The following TFR2 variants were observed in gnomAD, a reference collection of about 807,000 sequenced individuals.
TFR2 encodes the protein transferrin receptor protein 2.
TFR2 carries 64 observed loss-of-function variants against 91.9 expected under a neutral mutation model. The observed-to-expected ratio is 0.70, with a 90% CI of 0.57 to 0.86. TFR2 has a LOEUF of 0.86. TFR2 is among the 40% of genes least tolerant of loss of function. The probability of loss-of-function intolerance (pLI) is 0.00; values close to 1 mark genes in which losing one functional copy is unlikely to be tolerated. For synonymous variants in TFR2, 454 were observed against 459.6 expected (o/e 0.99, Z 0.15); for missense variants, 950 against 1,080.5 (o/e 0.88, Z 1.69).
chr7:100,632,543 T>C (rs1803472577), intron 6 of TFR2, among the ~76,000 whole-genome samples: 2 of 149,054 alleles, frequency 1.3e-5, no homozygotes, highest in Non-Finnish European at 3.0e-5. Flanking sequence ...CCTTCTCTGT[T>C]TCTCTCTCTT....
intron 17 of TFR2, among the ~76,000 whole-genome samples, chr7:100,621,456 G>C (rs887063475): frequency 1.3e-5 from 2 of 152,166 alleles, no homozygotes; most frequent in African/African-American, 4.8e-5. Flanking sequence ...GTTTCTCCGT[G>C]TTGGCCAGGC....
chr7:100,633,507 G>C lies in TFR2; in HGVS notation c.523C>G (p.Leu175Val), dbSNP rs377287303. ...AGCGCCGCGCGAATGTCCTGAGTCA[G>C]AGCGGCCATCCCGGCCGAGCCTGCC... ...RVAGSAGMAALTQDIRAALSR... is the reference protein window; with the variant it reads ...RVAGSAGMAAVTQDIRAALSR... The change falls in exon 4 of 18, where the codon CTG (leucine) becomes GTG (valine). Residue 175 changes from leucine to valine, a missense_variant. Physicochemically the swap from Leu to Val is conservative, Grantham distance 32. Transcript: ENST00000223051. 88 of 1,610,514 alleles carry C rather than the reference G, an allele frequency of 5.5e-5. No homozygotes were observed. The highest frequency in any genetic ancestry group is 7.1e-5 in the Non-Finnish European group (84 of 1,179,850).
intron 3 of TFR2, 31 bp downstream of exon 3, chr7:100,640,655 C>T (rs780614869): frequency 2.1e-5 from 33 of 1,606,072 alleles, no homozygotes; most frequent in East Asian, 4.5e-5. Context: ...GAGGGACACT[C>T]GAGAACAGGA....
rs111760099 is a variant in TFR2 at position 100,627,318 on chromosome 7, C to T, written c.1941G>A (p.Gly647=). Residue 647 remains glycine, a synonymous_variant, in exon 16 of 18, where the codon GGG becomes GGA. Coordinates refer to ENST00000223051, the MANE Select transcript of TFR2 (RefSeq NM_003227.4). ...RLLPLDFGRY[G]DVVLRHIGNL... ...TCCCGATGTGCCTGAGGACGACGTC[C>T]CCGTAGCGGCCGAAGTCGAGGGGCA... 1 of 1,550,162 alleles carries T rather than the reference C, an allele frequency of 6.5e-7. No homozygotes were observed. The highest frequency in any genetic ancestry group is 8.7e-7 in the Non-Finnish European group (1 of 1,146,944).
intron 17 of TFR2, among the ~76,000 whole-genome samples, chr7:100,625,637 A>G (rs564050362): frequency 2.0e-5 from 3 of 152,292 alleles, no homozygotes; most frequent in African/African-American, 7.2e-5. Flanking sequence ...TAACCCCAGC[A>G]ATTTGGGAGG....
chr7:100,626,470 A>G, intron 17 of TFR2: 5 of 867,440 alleles, frequency 5.8e-6, no homozygotes, highest in Non-Finnish European at 7.8e-6. Context: ...GAGGGGAGTC[A>G]GCGGGGAGGG....
In TFR2 at chr7:100,621,045, T is replaced by A. The variant is rs1287262020; in HGVS notation, c.2218A>T (p.Thr740Ser). The change falls in exon 18 of 18, where the codon ACG (threonine) becomes TCG (serine). Residue 740 changes from threonine (T) to serine (S), a missense_variant. Thr to Ser is a moderately conservative substitution (Grantham distance 58, BLOSUM62 1). Transcript: ENST00000223051. The part of the protein sequence containing the change: ...RHIFMGRGDH[T>S]LGALLDHLRL... ...AGGTGGTCCAGCAGGGCGCCCAGCG[T>A]GTGGTCTCCACGGCCCATGAAGATG... 2 of 1,583,080 alleles carry A rather than the reference T, an allele frequency of 1.3e-6. No individual in the cohort carries two copies. The highest frequency in any genetic ancestry group is 1.8e-5 in the Admixed American group (1 of 54,984).
Position 100,627,733 on chromosome 7 carries a change from C to G in TFR2, c.1682+11G>C, listed in dbSNP as rs372807620. ...CATCCCTCCCCAGCTCTCCCTACCCCCCCAACTTACACCTCAGCATCCCAG... is the reference window on the plus strand; with the variant it reads ...CATCCCTCCCCAGCTCTCCCTACCCGCCCAACTTACACCTCAGCATCCCAG... On this transcript the variant is annotated intron_variant, in intron 14 of 17. Coordinates refer to ENST00000223051, the MANE Select transcript of TFR2 (RefSeq NM_003227.4). The G allele has an allele frequency of 8.0e-5, 129 of 1,613,980 alleles. No homozygotes were observed. In the African/African-American group the frequency reaches 1.7e-3, roughly 21 times the overall value.
chr7:100,620,914 C>T lies in TFR2; in HGVS notation c.2349G>A (p.Leu783=), dbSNP rs757180293. The T allele has an allele frequency of 5.0e-6, 8 of 1,613,954 alleles. No homozygotes were observed. The highest frequency in any genetic ancestry group is 5.9e-6 in the Non-Finnish European group (7 of 1,179,904). Residue 783 remains leucine (L), a synonymous_variant, in exon 18 of 18, where the codon CTG becomes CTA. Coordinates refer to ENST00000223051, the MANE Select transcript of TFR2 (RefSeq NM_003227.4). ...CGCTAAGCGCATTGGCTGCCCCTTGCAGCGTCCAGGTGAGCAGGGCTAGCT... is the reference window on the plus strand; with the variant it reads ...CGCTAAGCGCATTGGCTGCCCCTTGTAGCGTCCAGGTGAGCAGGGCTAGCT... ...RRQLALLTWT[L]QGAANALSGD...
intron 9 of TFR2, among the ~76,000 whole-genome samples, chr7:100,630,024 G>A (rs1010112606): frequency 3.0e-4 from 45 of 152,190 alleles, no homozygotes; most frequent in South Asian, 8.3e-4. Flanking sequence ...GATTACAGGC[G>A]TGAGCCACCG....
chr7:100,640,519 C>T, intron 3 of TFR2, 167 bp downstream of exon 3: 1 of 747,424 alleles, frequency 1.3e-6, no homozygotes, highest in Non-Finnish European at 2.1e-6. Context: ...CTCCGAATGC[C>T]TGCCATCCTT....
chr7:100,630,798 C>T, intron 9 of TFR2, 91 bp downstream of exon 9: 1 of 1,578,110 alleles, frequency 6.3e-7, no homozygotes, highest in Admixed American at 1.7e-5. Flanking sequence ...CTTGGGGCCT[C>T]CTGCACCAGC....
rs2131303994 is a variant in TFR2 at position 100,620,962 on chromosome 7, G to A, written c.2301C>T (p.Phe767=). ...GTPGATSSTG[F]QESRFRRQLA... ...GCTGACGCCGGAAACGGCTCTCCTG[G>A]AAGCCAGTGGAGGAGGTGGCCCCGG... The change falls in exon 18 of 18, where the codon TTC becomes TTT. Residue 767 remains phenylalanine (F), a synonymous_variant. Coordinates refer to ENST00000223051, the MANE Select transcript of TFR2 (RefSeq NM_003227.4). The A allele has an allele frequency of 6.2e-7, 1 of 1,613,388 alleles. No individual in the cohort carries two copies. Among genetic ancestry groups the A allele is most frequent in the Non-Finnish European group, 8.5e-7 (1 of 1,179,752 alleles).
Position 100,628,142 on chromosome 7 carries a change from G to T in TFR2, c.1474-6C>A. On this transcript the variant is annotated splice_region_variant and splice_polypyrimidine_tract_variant and intron_variant, in intron 11 of 17. Transcript: ENST00000223051. ...TGCAGCACGCTGAGGTAGCCCTGTG[G>T]GTGGGTGACCAGTGTGGAGTGGGAA... The T allele has an allele frequency of 1.2e-6, 2 of 1,614,068 alleles. No individual in the cohort carries two copies. Among genetic ancestry groups the T allele is most frequent in the Non-Finnish European group, 1.7e-6 (2 of 1,179,984 alleles).
intron 3 of TFR2, among the ~76,000 whole-genome samples, chr7:100,639,072 A>G (rs1029693296): frequency 9.2e-5 from 14 of 152,190 alleles, no homozygotes; most frequent in African/African-American, 2.9e-4. Context: ...TATAAACATT[A>G]AAGAAGAGGC....
chr7:100,627,163 G>A (rs1263050602), intron 16 of TFR2, 101 bp downstream of exon 16: 12 of 1,374,586 alleles, frequency 8.7e-6, no homozygotes, highest in East Asian at 2.5e-5. Flanking sequence ...TTGCCAGAGA[G>A]GACCTAGACC....
rs369913499 is a variant in TFR2, at chr7:100,627,773, C to T, written c.1653G>A (p.Val551=). The T allele has an allele frequency of 3.4e-5, 55 of 1,613,162 alleles. No homozygotes were observed. The African/African-American group carries it at 6.5e-4, about 19-fold the overall frequency. The change falls in exon 14 of 18, where the codon GTG becomes GTA. Residue 551 remains valine, a synonymous_variant. Coordinates refer to ENST00000223051, the MANE Select transcript of TFR2 (RefSeq NM_003227.4). ...CAGCATCCCAGCTGGGATTGGTGAACACCACCTGTTCATAGAGAGTCTGCC... is the reference window on the plus strand; with the variant it reads ...CAGCATCCCAGCTGGGATTGGTGAATACCACCTGTTCATAGAGAGTCTGCC... The part of the protein sequence containing the change: ...HSGQTLYEQV[V]FTNPSWDAEV...
intron 10 of TFR2, 24 bp from the exon 11 acceptor site, chr7:100,628,330 C>T (rs1444805068): frequency 2.5e-6 from 4 of 1,612,046 alleles, no homozygotes; most frequent in Non-Finnish European, 3.4e-6. Flanking sequence ...GGAAGGAGGA[C>T]AGGCTTAGCA....
intron 3 of TFR2, 113 bp from the exon 4 acceptor site, chr7:100,633,669 G>T (rs986423501): frequency 1.6e-5 from 12 of 750,132 alleles, no homozygotes; most frequent in Non-Finnish European, 1.8e-5. Context: ...GGGTTCCTGA[G>T]TTTAGGAAAA....
Sources: allele counts gnomAD v4.1 joint callset (sites outside exome capture counted in the v4.1 genomes callset), GRCh38; gene constraint gnomAD v4.1.1; transcripts MANE v1.5; gene names NCBI Gene and HGNC (gene_info 2026-07-23, HGNC 2026-07-21).